ADAM12: variants seen among roughly 807,000 people sequenced by gnomAD.
ADAM12 encodes the protein disintegrin and metalloproteinase domain-containing protein 12.
A neutral mutation model predicts 106.4 loss-of-function variants in ADAM12; 70 were observed. That is an observed-to-expected ratio of 0.66 (90% CI 0.54 to 0.80). The LOEUF is 0.80. Among genes scored for constraint, ADAM12 ranks in the 30% least tolerant of loss-of-function variants. The pLI is 0.00. For synonymous variants in ADAM12, 420 were observed against 433.5 expected, an observed-to-expected ratio of 0.97 and a Z score of 0.39; for missense variants, 1,010 against 1,171.9, an observed-to-expected ratio of 0.86 and a Z score of 2.02.
At chr10:126,379,669 G>A (rs1009891914) in intron 1 of ADAM12, among the ~76,000 whole-genome samples, 2 of 151,984 alleles carry the variant, frequency 1.3e-5, no homozygotes, top group Non-Finnish European at 2.9e-5. Context: ...GTTCTGCCAT[G>A]TACCCCAAAA....
chr10:126,049,085 T>G lies in ADAM12; in HGVS notation c.1917+168A>C, dbSNP rs1954402713. 6.6e-6 allele frequency among the ~76,000 whole-genome samples: 1 copy of G among 152,246 alleles called. No homozygotes were observed. Among genetic ancestry groups the G allele is most frequent in the Admixed American group, 6.5e-5 (1 of 15,290 alleles). On this transcript the variant is annotated intron_variant, in intron 16 of 22. Transcript: ENST00000448723. The surrounding 1 kb of genome is among the most constrained non-coding windows in gnomAD (Gnocchi z 4.4). ...GCTTGATTTTTCCCCAATCTGCATT[T>G]TAATAGTCAGACCAGGATCTAGGAT...
At chr10:126,097,216 A>G (rs1177887080) in intron 10 of ADAM12, among the ~76,000 whole-genome samples, 2 of 152,236 alleles carry the variant, frequency 1.3e-5, no homozygotes, top group Non-Finnish European at 2.9e-5. Flanking sequence ...CTCTGTAAAA[A>G]TAGAGTTGGG....
chr10:126,338,609 C>T (rs547984787), intron 1 of ADAM12, among the ~76,000 whole-genome samples: 1 of 152,274 alleles, frequency 6.6e-6, no homozygotes, highest in East Asian at 1.9e-4. Context: ...CCATTTTATA[C>T]ACTGTGAGAC....
chr10:126,228,692 G>A (rs956468624), intron 3 of ADAM12, among the ~76,000 whole-genome samples: 2 of 152,086 alleles, frequency 1.3e-5, no homozygotes, highest in African/African-American at 2.4e-5. Flanking sequence ...GAGCTTTTAA[G>A]TTCTGATTAT....
At chr10:126,112,269 T>C (rs1955883530) in intron 6 of ADAM12, among the ~76,000 whole-genome samples, 1 of 150,238 alleles carries the variant, frequency 6.7e-6, no homozygotes, top group East Asian at 1.9e-4. Context: ...GGTCAGTAGG[T>C]GCAGCAAACC....
intron 1 of ADAM12, among the ~76,000 whole-genome samples, chr10:126,341,354 T>C (rs1372511672): frequency 2.6e-5 from 4 of 152,216 alleles, no homozygotes; most frequent in Admixed American, 2.6e-4. Context: ...CAATGAATTA[T>C]TATCAAACAA....
Position 126,238,866 on chromosome 10 carries a change from A to G in ADAM12, c.260+40049T>C, listed in dbSNP as rs112870053. Among the ~76,000 whole-genome samples the G allele has an allele frequency of 7.1e-3, 1,083 of 152,292 alleles. 15 individuals are homozygous for G. The highest frequency in any genetic ancestry group is 0.025 in the African/African-American group (1,038 of 41,560). Reference sequence around the variant, plus strand: ...AGGGTAAACCTGAGATTTCATGGGCACTCATTCTGCTCTGCTACATTTTTC... The same window carrying G: ...AGGGTAAACCTGAGATTTCATGGGCGCTCATTCTGCTCTGCTACATTTTTC... On this transcript the variant is annotated intron_variant, in intron 3 of 22. Coordinates refer to ENST00000448723, the MANE Select transcript of ADAM12 (RefSeq NM_001288973.2).
intron 3 of ADAM12, among the ~76,000 whole-genome samples, chr10:126,237,493 A>T (rs1441781577): frequency 1.3e-5 from 2 of 152,186 alleles, no homozygotes; most frequent in African/African-American, 4.8e-5. Flanking sequence ...AGCAAATCCC[A>T]GATATCTTCA....
In ADAM12 at chr10:126,275,349, A is replaced by G. The variant is rs945429966; in HGVS notation, c.260+3566T>C. 3.9e-5 allele frequency among the ~76,000 whole-genome samples: 6 copies of G among 152,240 alleles called. 1 individual carries two copies. The highest frequency in any genetic ancestry group is 2.0e-4 in the Admixed American group (3 of 15,288). ...TCTACAGGTCCATAGGCAGACAGCA[A>G]TATTGTGCAAAATGCTTCTCAGGGG... On this transcript the variant is annotated intron_variant, in intron 3 of 22. Transcript: ENST00000448723.
chr10:126,148,128 C>G (rs931087104), intron 4 of ADAM12, among the ~76,000 whole-genome samples: 9 of 135,624 alleles, frequency 6.6e-5, no homozygotes, highest in Admixed American at 4.6e-4. Flanking sequence ...CCTGTCAGGA[C>G]AGTCGAGAGA....
chr10:126,165,291 C>T (rs985452813), intron 3 of ADAM12, among the ~76,000 whole-genome samples: 1 of 152,190 alleles, frequency 6.6e-6, no homozygotes, highest in African/African-American at 2.4e-5. Flanking sequence ...CCTCAGCCTC[C>T]TGAGTAGCTG....
At chr10:126,233,696 C>A (rs1475227395) in intron 3 of ADAM12, among the ~76,000 whole-genome samples, 1 of 152,076 alleles carries the variant, frequency 6.6e-6, no homozygotes, top group Non-Finnish European at 1.5e-5. Flanking sequence ...GAGTGCTCTG[C>A]AATTACTGGA....
chr10:126,356,425 A>G (rs1855542083), intron 1 of ADAM12, among the ~76,000 whole-genome samples: 1 of 152,232 alleles, frequency 6.6e-6, no homozygotes, highest in African/African-American at 2.4e-5. Flanking sequence ...ATGGAAAGCA[A>G]GCTTTGCCTG....
chr10:126,310,013 C>T (rs1961013205), intron 2 of ADAM12, among the ~76,000 whole-genome samples: 1 of 151,696 alleles, frequency 6.6e-6, no homozygotes, highest in South Asian at 2.1e-4. Context: ...ACAAAAATTA[C>T]CCAGGCATAG....
At chr10:126,201,186 C>T (rs765935570) in intron 3 of ADAM12, among the ~76,000 whole-genome samples, 2 of 152,288 alleles carry the variant, frequency 1.3e-5, no homozygotes, top group African/African-American at 4.8e-5. Context: ...CAAAAAGATA[C>T]GTTTAACTCC....
chr10:126,047,852 T>C (rs151018781), intron 16 of ADAM12, among the ~76,000 whole-genome samples: 2 of 152,346 alleles, frequency 1.3e-5, no homozygotes, highest in East Asian at 3.9e-4. Flanking sequence ...CATATGTTCA[T>C]TGCAGCACTA....
chr10:126,143,577 ATTTG>A, intron 4 of ADAM12, among the ~76,000 whole-genome samples: 1 of 67,236 alleles, frequency 1.5e-5, no homozygotes, highest in Non-Finnish European at 2.5e-5. Context: ...ACATGTGTAT[ATTTG>A]TGTGTGTATA....
chr10:126,021,195 A>C (rs1452287198), intron 21 of ADAM12, among the ~76,000 whole-genome samples: 1 of 152,068 alleles, frequency 6.6e-6, no homozygotes, highest in East Asian at 1.9e-4. Context: ...AATGCACAGA[A>C]TGTCTGTTGG....
intron 4 of ADAM12, among the ~76,000 whole-genome samples, chr10:126,136,156 T>C (rs1214573554): frequency 6.7e-6 from 1 of 149,818 alleles, no homozygotes; most frequent in Non-Finnish European, 1.5e-5. Context: ...AATTACCCAA[T>C]TGAGAGCTGA....
Sources: gnomAD v4.1 joint callset for allele counts (sites outside exome capture counted in the v4.1 genomes callset) on GRCh38, gnomAD v4.1.1 for gene constraint, Gnocchi (gnomAD v3.1) non-coding constraint, MANE v1.5 for transcripts, NCBI Gene and HGNC (gene_info 2026-07-23, HGNC 2026-07-21) for gene names.